Variants in TMEM131L observed in about 807,000 individuals in gnomAD.
TMEM131L encodes transmembrane protein 131-like.
TMEM131L carries 54 observed loss-of-function variants against 192.2 expected under a neutral mutation model. The observed-to-expected ratio is 0.28, with a 90% CI of 0.23 to 0.35. The LOEUF is 0.35. Ranked by LOEUF, TMEM131L falls within the 10% of genes least tolerant of loss-of-function variation. TMEM131L has a pLI of 1.00. For missense variants in TMEM131L, 1,888 were observed against 1,972.9 expected (o/e 0.96, Z 0.82); for synonymous variants, 701 against 704.9 (o/e 0.99, Z 0.09).
chr4:153,484,309 A>C (rs1732153211), intron 3 of TMEM131L, among the ~76,000 whole-genome samples: 1 of 152,194 alleles, frequency 6.6e-6, no homozygotes, highest in South Asian at 2.1e-4. Context: ...TGCCCAATTA[A>C]TGTTTTTGGA....
At chr4:153,470,746 C>T (rs779695537) in intron 2 of TMEM131L, among the ~76,000 whole-genome samples, 1 of 152,230 alleles carries the variant, frequency 6.6e-6, no homozygotes, top group African/African-American at 2.4e-5. Context: ...ATGTGATCCA[C>T]GCATAGGTGA....
intron 7 of TMEM131L, among the ~76,000 whole-genome samples, chr4:153,572,106 T>C (rs942480160): frequency 6.6e-6 from 1 of 152,194 alleles, no homozygotes; most frequent in African/African-American, 2.4e-5. Context: ...GAGTGCTGTT[T>C]TGATACTGTA....
rs757123371 is a variant in TMEM131L at position 153,626,207 on chromosome 4, A to G, written c.4106A>G (p.His1369Arg). ...GCTCCCATCTCCTTGAATCTTTCTC[A>G]TAACATCTGCAATCCCATGTAAGTT... ...SEAPISLNLSHNICNPMTVNS... is the reference protein window; with the variant it reads ...SEAPISLNLSRNICNPMTVNS... Residue 1369 changes from histidine (H) to arginine (R), a missense_variant, in exon 30 of 35, where the codon CAT (histidine) becomes CGT (arginine). Transcript: ENST00000409959. 1.4e-5 allele frequency: 22 copies of G among 1,596,918 alleles called. No homozygotes were observed. The highest frequency in any genetic ancestry group is 1.8e-5 in the Non-Finnish European group (21 of 1,164,760).
chr4:153,485,948 A>G (rs544069551), intron 3 of TMEM131L, among the ~76,000 whole-genome samples: 1 of 152,356 alleles, frequency 6.6e-6, no homozygotes, highest in African/African-American at 2.4e-5. Context: ...GTTGAAGGTT[A>G]TAGAGCTATG....
chr4:153,550,487 C>T (rs965034527), intron 4 of TMEM131L, among the ~76,000 whole-genome samples: 13 of 152,094 alleles, frequency 8.5e-5, no homozygotes, highest in South Asian at 4.2e-4. Flanking sequence ...CCACCACGCC[C>T]GGCTAATTTT....
chr4:153,578,742 G>T (rs1156380751), intron 7 of TMEM131L, among the ~76,000 whole-genome samples: 1 of 151,804 alleles, frequency 6.6e-6, no homozygotes, highest in East Asian at 1.9e-4. Flanking sequence ...GGATGGTCTT[G>T]ATCTCCTGAC....
chr4:153,611,583 T>A (rs1242990254), intron 25 of TMEM131L, among the ~76,000 whole-genome samples: 1 of 152,236 alleles, frequency 6.6e-6, no homozygotes, highest in Admixed American at 6.5e-5. Context: ...TCCAGAAGTT[T>A]TAATAATCTC....
rs1737926503 is a variant in TMEM131L, at chr4:153,555,638, A to G, written c.309-149A>G. Reference sequence around the variant, plus strand: ...TTGTGAATTGAATGCTTTATTACCAACACGATTGGATAATTTAACTTTGTG... The same window carrying G: ...TTGTGAATTGAATGCTTTATTACCAGCACGATTGGATAATTTAACTTTGTG... On this transcript the variant is annotated intron_variant, in intron 4 of 34. Transcript: ENST00000409959. The surrounding 1 kb of genome is among the most constrained non-coding windows in gnomAD (Gnocchi z 4.1). 3.2e-6 allele frequency: 2 copies of G among 617,590 alleles called. No homozygotes were observed. The highest frequency in any genetic ancestry group is 3.2e-5 in the South Asian group (1 of 31,518). 38.3% of individuals were successfully genotyped at this position (617,590 alleles called of 1,614,324 possible). A position where few individuals can be genotyped will look rare whatever the true frequency, so the allele number is the denominator to read the frequency against.
intron 3 of TMEM131L, among the ~76,000 whole-genome samples, chr4:153,541,026 A>G (rs1306860026): frequency 6.6e-6 from 1 of 152,176 alleles, no homozygotes; most frequent in Non-Finnish European, 1.5e-5. Context: ...TGTATTTTGT[A>G]TTTTGCAGAT....
intron 27 of TMEM131L, among the ~76,000 whole-genome samples, chr4:153,621,351 G>A (rs928086480): frequency 1.9e-4 from 29 of 152,158 alleles, no homozygotes; most frequent in African/African-American, 6.8e-4. Flanking sequence ...TCCTGCAGAA[G>A]GTAGGTTCTT....
intron 3 of TMEM131L, among the ~76,000 whole-genome samples, chr4:153,485,677 G>A (rs145005131): frequency 3.5e-4 from 53 of 152,290 alleles, no homozygotes; most frequent in Non-Finnish European, 4.9e-4. Flanking sequence ...AACAGTGTTC[G>A]ATTGGTAGTT....
At chr4:153,470,247 G>A (rs1731058173) in intron 2 of TMEM131L, among the ~76,000 whole-genome samples, 1 of 152,122 alleles carries the variant, frequency 6.6e-6, no homozygotes, top group Non-Finnish European at 1.5e-5. Context: ...GGTTTCAGAA[G>A]ACTTTGAGAA....
intron 3 of TMEM131L, among the ~76,000 whole-genome samples, chr4:153,539,853 G>A (rs1389106348): frequency 3.9e-5 from 6 of 151,912 alleles, no homozygotes; most frequent in Non-Finnish European, 7.4e-5. Flanking sequence ...GCTTACGCCT[G>A]TAATTCCAGC....
chr4:153,481,882 C>A (rs1276983122), intron 3 of TMEM131L, among the ~76,000 whole-genome samples: 1 of 151,872 alleles, frequency 6.6e-6, no homozygotes, highest in Non-Finnish European at 1.5e-5. Context: ...GAGTCTCACT[C>A]TGTCAGCAGG....
chr4:153,470,905 TTCCTGAC>T (rs946920900), intron 2 of TMEM131L, among the ~76,000 whole-genome samples: 2 of 152,228 alleles, frequency 1.3e-5, no homozygotes, highest in African/African-American at 2.4e-5. Context: ...GGGCCTGTCC[TTCCTGAC>T]TCCTGCCCTG....
chr4:153,633,578 T>TA (rs1204781896), intron 32 of TMEM131L, among the ~76,000 whole-genome samples: 1 of 152,182 alleles, frequency 6.6e-6, no homozygotes, highest in Non-Finnish European at 1.5e-5. Flanking sequence ...GAAAAATAGT[T>TA]ACACAATGGC....
At chr4:153,467,391 T>G in intron 2 of TMEM131L, 110 bp downstream of exon 2, 1 of 924,602 alleles carries the variant, frequency 1.1e-6, no homozygotes, top group East Asian at 2.7e-5. Context: ...TTCGGGCCAC[T>G]TTGCAAGGCA....
intron 3 of TMEM131L, among the ~76,000 whole-genome samples, chr4:153,502,927 A>G (rs1733713813): frequency 6.6e-6 from 1 of 151,888 alleles, no homozygotes; most frequent in South Asian, 2.1e-4. Context: ...TAGATGTAAC[A>G]TTTCTAGAAA....
chr4:153,516,637 C>G (rs1734753048), intron 3 of TMEM131L, among the ~76,000 whole-genome samples: 1 of 152,128 alleles, frequency 6.6e-6, no homozygotes, highest in African/African-American at 2.4e-5. Context: ...GGATACATTA[C>G]TAGAACTGGA....
Sources: gnomAD v4.1 joint callset for allele counts (sites outside exome capture counted in the v4.1 genomes callset) on GRCh38, gnomAD v4.1.1 for gene constraint, Gnocchi (gnomAD v3.1) non-coding constraint, MANE v1.5 for transcripts, NCBI Gene and HGNC (gene_info 2026-07-23, HGNC 2026-07-21) for gene names.